The following OXR1 variants were observed in gnomAD, a reference collection of about 807,000 sequenced individuals.
OXR1 encodes oxidation resistance protein 1.
OXR1 carries 41 observed loss-of-function variants against 104.6 expected under a neutral mutation model. That is an observed-to-expected ratio of 0.39 (90% CI 0.31 to 0.51). The LOEUF (loss-of-function observed/expected upper bound fraction) is 0.51. OXR1 is among the 20% of genes least tolerant of loss of function. The probability of loss-of-function intolerance (pLI) is 0.77; values close to 1 mark genes in which losing one functional copy is unlikely to be tolerated. For synonymous variants in OXR1, 348 were observed against 348.4 expected (o/e 1.00, Z 0.01); for missense variants, 955 against 1,031.9 (o/e 0.93, Z 1.02).
At position 106,541,988 on chromosome 8, in the gene OXR1, T is replaced by C. The variant is rs899997955; in HGVS notation, c.220+22849T>C. Among the ~76,000 whole-genome samples, 12 of 152,310 alleles carry C rather than the reference T, an allele frequency of 7.9e-5. No individual in the cohort carries two copies. In the South Asian group the frequency reaches 1.0e-3, roughly 13 times the overall value. On this transcript the variant is annotated intron_variant, in intron 3 of 16. Coordinates refer to ENST00000517566, the MANE Select transcript of OXR1 (RefSeq NM_001198533.2). Reference sequence around the variant, plus strand: ...ACTTTCATTTAGCAAATGGACAAAATTAAGGCTCAGACATGTTAAGGAGCT... The same window carrying C: ...ACTTTCATTTAGCAAATGGACAAAACTAAGGCTCAGACATGTTAAGGAGCT...
chr8:106,518,800 G>A (rs916293961), intron 2 of OXR1, 143 bp from the exon 3 acceptor site: 8 of 499,624 alleles, frequency 1.6e-5, no homozygotes, highest in African/African-American at 1.6e-4. Context: ...TTAAAATACT[G>A]TAGGGAATGT....
chr8:106,623,991 A>C (rs1483948448), intron 3 of OXR1, among the ~76,000 whole-genome samples: 1 of 152,150 alleles, frequency 6.6e-6, no homozygotes, highest in Admixed American at 6.5e-5. Context: ...AGCCAGCTTC[A>C]GCTTCCTACA....
chr8:106,628,380 T>C (rs988487263), intron 3 of OXR1, among the ~76,000 whole-genome samples: 2 of 152,180 alleles, frequency 1.3e-5, no homozygotes, highest in African/African-American at 4.8e-5. Context: ...CCCCAAGAGA[T>C]GTAAATGCTT....
chr8:106,441,392 G>C (rs1819775774), intron 2 of OXR1, among the ~76,000 whole-genome samples: 1 of 152,060 alleles, frequency 6.6e-6, no homozygotes, highest in African/African-American at 2.4e-5. Context: ...GATTTTCTTG[G>C]CTATATGGGG....
chr8:106,523,869 G>C (rs1419345348), intron 3 of OXR1, among the ~76,000 whole-genome samples: 1 of 151,864 alleles, frequency 6.6e-6, no homozygotes, highest in Non-Finnish European at 1.5e-5. Context: ...CTACCTCCTG[G>C]GTTCATGCCA....
intron 3 of OXR1, among the ~76,000 whole-genome samples, chr8:106,584,335 G>A (rs1169268080): frequency 2.0e-5 from 3 of 151,682 alleles, no homozygotes; most frequent in African/African-American, 4.8e-5. Context: ...CGGGGGAGGG[G>A]GGAGAAAAGT....
intron 2 of OXR1, among the ~76,000 whole-genome samples, chr8:106,463,247 A>G (rs922552645): frequency 6.6e-6 from 1 of 152,152 alleles, no homozygotes; most frequent in Non-Finnish European, 1.5e-5. Flanking sequence ...ACCTTCAACT[A>G]CAATAGTATT....
intron 3 of OXR1, among the ~76,000 whole-genome samples, chr8:106,558,440 A>C (rs1048979293): frequency 6.6e-6 from 1 of 152,214 alleles, no homozygotes; most frequent in African/African-American, 2.4e-5. Flanking sequence ...TGGTAGGCCA[A>C]ATGGAGGATC....
Position 106,495,314 on chromosome 8 carries a change from A to G in OXR1, c.24-23629A>G, listed in dbSNP as rs1254148880. Among the ~76,000 whole-genome samples, 4 of 152,194 alleles carry G rather than the reference A, an allele frequency of 2.6e-5. 1 individual carries two copies. Among genetic ancestry groups the G allele is most frequent in the Admixed American group, 2.6e-4 (4 of 15,278 alleles). On this transcript the variant is annotated intron_variant, in intron 2 of 16. Transcript: ENST00000517566. ...AAATCAGGTAACTATTGAAAGTGTT[A>G]GGAATGAAGAGCTAGAGCTTGCACT... is the stretch of plus-strand genomic sequence containing the variant.
At chr8:106,748,458 A>G (rs1328219568) in intron 16 of OXR1, among the ~76,000 whole-genome samples, 1 of 150,168 alleles carries the variant, frequency 6.7e-6, no homozygotes, top group Non-Finnish European at 1.5e-5. Flanking sequence ...TGTACTGTCA[A>G]CTCTCTTCTT....
intron 1 of OXR1, among the ~76,000 whole-genome samples, chr8:106,336,975 A>G (rs924467776): frequency 1.4e-4 from 21 of 152,264 alleles, no homozygotes; most frequent in African/African-American, 5.1e-4. Context: ...CTTAGTAAAT[A>G]AAACTGTACT....
At chr8:106,467,370 T>A (rs1282591591) in intron 2 of OXR1, among the ~76,000 whole-genome samples, 1 of 151,792 alleles carries the variant, frequency 6.6e-6, no homozygotes, top group Non-Finnish European at 1.5e-5. Flanking sequence ...AATATAGTAG[T>A]GGGATTCATC....
chr8:106,354,260 A>C (rs1258921583), intron 1 of OXR1, among the ~76,000 whole-genome samples: 2 of 152,164 alleles, frequency 1.3e-5, no homozygotes, highest in African/African-American at 2.4e-5. Context: ...TTTTATGTGA[A>C]AATAAAAAGG....
chr8:106,483,103 AGGTATATT>A (rs1822237970), intron 2 of OXR1, among the ~76,000 whole-genome samples: 1 of 152,020 alleles, frequency 6.6e-6, no homozygotes, highest in Admixed American at 6.6e-5. Context: ...ATATACCAAT[AGGTATATT>A]GGTATATTGG....
chr8:106,422,823 T>G (rs1818960976), intron 2 of OXR1, among the ~76,000 whole-genome samples: 1 of 152,160 alleles, frequency 6.6e-6, no homozygotes, highest in African/African-American at 2.4e-5. Flanking sequence ...CTCTTTGACA[T>G]GAAAGCCAAT....
rs183069956 is a variant in OXR1, at chr8:106,699,536, T to A, written c.676-3370T>A. On this transcript the variant is annotated intron_variant, in intron 7 of 16. Coordinates refer to ENST00000517566, the MANE Select transcript of OXR1 (RefSeq NM_001198533.2). ...TGTCTGAAAATATTATGTCACATAT[T>A]TTGTTCGTGTAAGTTTGGTGTGTGT... Among the ~76,000 whole-genome samples the A allele has an allele frequency of 5.9e-5, 9 of 152,312 alleles. No individual in the cohort carries two copies. In the East Asian group the frequency reaches 1.7e-3, roughly 29 times the overall value.
At chr8:106,521,904 A>G (rs1442188324) in intron 3 of OXR1, among the ~76,000 whole-genome samples, 2 of 152,180 alleles carry the variant, frequency 1.3e-5, no homozygotes, top group African/African-American at 4.8e-5. Flanking sequence ...CCAACGAACG[A>G]ACCCGTCTAC....
At chr8:106,640,535 T>C (rs1823543259) in intron 3 of OXR1, among the ~76,000 whole-genome samples, 1 of 151,974 alleles carries the variant, frequency 6.6e-6, no homozygotes, top group African/African-American at 2.4e-5. Flanking sequence ...GTCTCTTCTT[T>C]TGAGGAGAAA....
chr8:106,286,127 A>C (rs2130014598), intron 1 of OXR1, among the ~76,000 whole-genome samples: 1 of 152,274 alleles, frequency 6.6e-6, no homozygotes, highest in South Asian at 2.1e-4. Flanking sequence ...GAACACTAAA[A>C]ACATGCTGTC....
Sources: gnomAD v4.1 joint callset for allele counts (sites outside exome capture counted in the v4.1 genomes callset) on GRCh38, gnomAD v4.1.1 for gene constraint, MANE v1.5 for transcripts, NCBI Gene and HGNC (gene_info 2026-07-23, HGNC 2026-07-21) for gene names.